Variants in LSAMP observed in about 807,000 individuals in gnomAD.
LSAMP encodes the protein limbic system-associated membrane protein.
Under a neutral mutation model 38.6 loss-of-function variants are expected in LSAMP, and 7 were observed. The observed-to-expected ratio is 0.18, with a 90% CI of 0.10 to 0.34. LSAMP has a LOEUF of 0.34. Among genes scored for constraint, LSAMP ranks in the 10% least tolerant of loss-of-function variants. The pLI is 1.00. For missense variants in LSAMP, 313 were observed against 420.0 expected (o/e 0.75, Z 2.23); for synonymous variants, 154 against 166.8 (o/e 0.92, Z 0.59).
chr3:116,027,509 C>G (rs1401054878), intron 2 of LSAMP, among the ~76,000 whole-genome samples: 1 of 152,126 alleles, frequency 6.6e-6, no homozygotes, highest in African/African-American at 2.4e-5. Context: ...ATTTCTATTG[C>G]TTAAATCAAA....
chr3:116,034,238 A>G lies in LSAMP; in HGVS notation c.389-14598T>C, dbSNP rs147559490. Among the ~76,000 whole-genome samples the G allele has an allele frequency of 8.7e-4, 132 of 152,228 alleles. 1 individual carries two copies. The highest frequency in any genetic ancestry group is 2.2e-3 in the Admixed American group (34 of 15,288). The stretch of plus-strand genomic sequence containing the variant: ...CACAGACTGCACAAGGCAGAGACAC[A>G]TGCAGCAGCAGTGAGTAGGATTCCT... On this transcript the variant is annotated intron_variant, in intron 2 of 6. Coordinates refer to ENST00000490035, the MANE Select transcript of LSAMP (RefSeq NM_002338.5).
intron 3 of LSAMP, among the ~76,000 whole-genome samples, chr3:115,917,280 C>T (rs1170517303): frequency 1.3e-5 from 2 of 152,226 alleles, no homozygotes; most frequent in Non-Finnish European, 2.9e-5. Context: ...TACTTGCAAG[C>T]AACCTTTCCC....
intron 1 of LSAMP, among the ~76,000 whole-genome samples, chr3:116,201,289 C>T (rs1419899353): frequency 6.6e-6 from 1 of 152,192 alleles, no homozygotes; most frequent in African/African-American, 2.4e-5. Context: ...TCAGCCAGTA[C>T]AGATTTAAAC....
chr3:116,169,967 TC>T (rs2107551323), intron 1 of LSAMP, among the ~76,000 whole-genome samples: 1 of 152,256 alleles, frequency 6.6e-6, no homozygotes, highest in South Asian at 2.1e-4. Context: ...ACTAACAATT[TC>T]CAGCGAATTA....
At chr3:115,899,592 T>G (rs189485161) in intron 3 of LSAMP, among the ~76,000 whole-genome samples, 1 of 152,186 alleles carries the variant, frequency 6.6e-6, no homozygotes, top group Non-Finnish European at 1.5e-5. Flanking sequence ...TAGACTTAAC[T>G]CTTCCAATAT....
intron 1 of LSAMP, among the ~76,000 whole-genome samples, chr3:116,421,822 T>C (rs542465058): frequency 6.6e-6 from 1 of 152,342 alleles, no homozygotes; most frequent in East Asian, 1.9e-4. Context: ...CAGTCATATA[T>C]TGCTGGTGGG....
At chr3:115,818,788 TTTTATATATATATATATA>T (rs1332279679) in intron 6 of LSAMP, among the ~76,000 whole-genome samples, 1 of 24,990 alleles carries the variant, frequency 4.0e-5, no homozygotes, top group Non-Finnish European at 9.1e-5. Flanking sequence ...AAAGTTGTAC[TTTTATATATATATATATA>T]TATATATATA....
chr3:116,319,801 T>G (rs570027603), intron 1 of LSAMP, among the ~76,000 whole-genome samples: 6 of 150,090 alleles, frequency 4.0e-5, no homozygotes, highest in South Asian at 2.1e-4. Context: ...AGTTTTTTTT[T>G]TTGTTTTTTT....
chr3:116,015,064 C>T (rs1188440932), intron 3 of LSAMP, among the ~76,000 whole-genome samples: 2 of 152,144 alleles, frequency 1.3e-5, no homozygotes, highest in Non-Finnish European at 2.9e-5. Flanking sequence ...CTCCTCTTAG[C>T]TTCTCCAAGC....
intron 1 of LSAMP, among the ~76,000 whole-genome samples, chr3:116,273,676 A>G (rs1180080090): frequency 2.3e-5 from 2 of 87,174 alleles, no homozygotes; most frequent in African/African-American, 7.6e-5. Context: ...AGAGAAAGAG[A>G]AAGAGGCATA....
intron 3 of LSAMP, among the ~76,000 whole-genome samples, chr3:115,887,546 T>C (rs1320227012): frequency 6.6e-6 from 1 of 151,954 alleles, no homozygotes; most frequent in East Asian, 1.9e-4. Context: ...ATTGAAAGAA[T>C]TCATGCAGGA....
chr3:115,931,171 C>T (rs1937575151), intron 3 of LSAMP, among the ~76,000 whole-genome samples: 1 of 152,136 alleles, frequency 6.6e-6, no homozygotes, highest in Non-Finnish European at 1.5e-5. Flanking sequence ...GGAGAGAGCT[C>T]ATTACTAACC....
intron 3 of LSAMP, among the ~76,000 whole-genome samples, chr3:116,010,828 C>T (rs1253039626): frequency 1.3e-5 from 2 of 152,160 alleles, no homozygotes; most frequent in African/African-American, 2.4e-5. Flanking sequence ...TTTCTATTCA[C>T]TCATGGTTTA....
At chr3:116,008,505 A>C (rs191193540) in intron 3 of LSAMP, among the ~76,000 whole-genome samples, 160 of 152,324 alleles carry the variant, frequency 1.1e-3, no homozygotes, top group Non-Finnish European at 6.6e-4. Context: ...GCTATTATAA[A>C]AGATGATGAG....
At chr3:116,088,660 G>T (rs574976141) in intron 1 of LSAMP, among the ~76,000 whole-genome samples, 2 of 152,094 alleles carry the variant, frequency 1.3e-5, no homozygotes, top group East Asian at 3.9e-4. Flanking sequence ...TTTTCCCTGT[G>T]CATGTTTCTC....
chr3:116,234,499 CTTAT>C (rs150479571), intron 1 of LSAMP, among the ~76,000 whole-genome samples: 108,910 of 151,426 alleles, frequency 0.72, 40,637 homozygotes, highest in South Asian at 0.84. Context: ...AATTAATCTA[CTTAT>C]TTATTAAAAT....
chr3:116,335,657 TATC>T (rs1417329926), intron 1 of LSAMP, among the ~76,000 whole-genome samples: 1 of 152,040 alleles, frequency 6.6e-6, no homozygotes, highest in Non-Finnish European at 1.5e-5. Flanking sequence ...ACGTGAAAAT[TATC>T]ATAAGGCAAA....
At chr3:116,246,504 G>A (rs372890665) in intron 1 of LSAMP, among the ~76,000 whole-genome samples, 1 of 152,072 alleles carries the variant, frequency 6.6e-6, no homozygotes, top group Non-Finnish European at 1.5e-5. Context: ...ATGTTTTGAT[G>A]TGAATGACTA....
chr3:116,392,826 C>A (rs989953085), intron 1 of LSAMP, among the ~76,000 whole-genome samples: 1 of 152,144 alleles, frequency 6.6e-6, no homozygotes, highest in Admixed American at 6.5e-5. Flanking sequence ...GATAGAGAGA[C>A]AATGGGGAGA....
Sources: allele counts gnomAD v4.1 joint callset (sites outside exome capture counted in the v4.1 genomes callset), GRCh38; gene constraint gnomAD v4.1.1; transcripts MANE v1.5; gene names NCBI Gene and HGNC (gene_info 2026-07-23, HGNC 2026-07-21).